Variants in CTNNA3 observed in about 807,000 individuals in gnomAD.
CTNNA3 encodes the protein catenin alpha-3.
CTNNA3 carries 76 observed loss-of-function variants against 95.7 expected under a neutral mutation model. The observed-to-expected ratio is 0.79, with a 90% CI of 0.66 to 0.96. The LOEUF is 0.96. Among genes scored for constraint, CTNNA3 ranks in the 40% least tolerant of loss-of-function variants. CTNNA3 has a pLI of 0.00. For missense variants in CTNNA3, 1,191 were observed against 1,089.8 expected (o/e 1.09, Z -1.31); for synonymous variants, 431 against 374.4 (o/e 1.15, Z -1.74).
intron 15 of CTNNA3, among the ~76,000 whole-genome samples, chr10:66,055,650 G>C (rs796630647): frequency 6.6e-6 from 1 of 152,154 alleles, no homozygotes; most frequent in African/African-American, 2.4e-5. Flanking sequence ...TCGGCCGGGC[G>C]TGATGGCTTA....
At chr10:67,087,699 T>A (rs1452261699) in intron 7 of CTNNA3, among the ~76,000 whole-genome samples, 1 of 152,054 alleles carries the variant, frequency 6.6e-6, no homozygotes, top group East Asian at 1.9e-4. Context: ...TCTAAGCTAA[T>A]GTCATAATGG....
intron 7 of CTNNA3, among the ~76,000 whole-genome samples, chr10:66,978,913 T>C (rs1850239653): frequency 6.7e-6 from 1 of 150,364 alleles, no homozygotes; most frequent in Non-Finnish European, 1.5e-5. Context: ...AAATCTTGAC[T>C]AGCGACAAGT....
At chr10:66,424,625 G>A (rs1252244160) in intron 11 of CTNNA3, among the ~76,000 whole-genome samples, 1 of 151,664 alleles carries the variant, frequency 6.6e-6, no homozygotes, top group African/African-American at 2.4e-5. Flanking sequence ...TAATTTAATT[G>A]TATTGTGTTG....
intron 11 of CTNNA3, among the ~76,000 whole-genome samples, chr10:66,454,177 A>T (rs530557790): frequency 8.5e-5 from 13 of 152,336 alleles, no homozygotes; most frequent in East Asian, 7.7e-4. Flanking sequence ...AGGAAGGAAC[A>T]CAGCCTTGCT....
chr10:66,611,323 G>A (rs1454550263), intron 10 of CTNNA3, among the ~76,000 whole-genome samples: 1 of 151,984 alleles, frequency 6.6e-6, no homozygotes, highest in Non-Finnish European at 1.5e-5. Flanking sequence ...TATTTGAGGT[G>A]TTGGATATTC....
chr10:66,229,655 C>A (rs936482956), intron 13 of CTNNA3, among the ~76,000 whole-genome samples: 1 of 152,030 alleles, frequency 6.6e-6, no homozygotes, highest in Non-Finnish European at 1.5e-5. Flanking sequence ...TTTTTAGATT[C>A]TCCCCTTGTC....
intron 2 of CTNNA3, among the ~76,000 whole-genome samples, chr10:67,620,572 GA>G (rs75963753): frequency 0.12 from 18,614 of 152,096 alleles, 2,116 homozygotes; most frequent in East Asian, 0.43. Context: ...AGGAGTTTAT[GA>G]GGAAGGTCAG....
At chr10:67,596,190 T>C (rs1255279560) in intron 3 of CTNNA3, among the ~76,000 whole-genome samples, 3 of 152,226 alleles carry the variant, frequency 2.0e-5, no homozygotes, top group Admixed American at 1.3e-4. Context: ...CTGGTGTTTA[T>C]GTAGACTTGA....
intron 12 of CTNNA3, among the ~76,000 whole-genome samples, chr10:66,332,212 C>G (rs1156935529): frequency 1.3e-5 from 2 of 151,910 alleles, no homozygotes; most frequent in Non-Finnish European, 2.9e-5. Flanking sequence ...TTGACTTCCT[C>G]TTTTCCTAAT....
At chr10:66,444,609 C>A (rs1350870450) in intron 11 of CTNNA3, among the ~76,000 whole-genome samples, 1 of 152,014 alleles carries the variant, frequency 6.6e-6, no homozygotes, top group East Asian at 1.9e-4. Context: ...AAATACTTTA[C>A]AGACAAGCAA....
chr10:67,184,845 T>C (rs1038354652), intron 6 of CTNNA3, among the ~76,000 whole-genome samples: 1 of 152,230 alleles, frequency 6.6e-6, no homozygotes, highest in African/African-American at 2.4e-5. Context: ...ACATTGCTGA[T>C]AGAGGTTCTT....
At chr10:67,473,545 T>G (rs1390108589) in intron 5 of CTNNA3, among the ~76,000 whole-genome samples, 1 of 152,226 alleles carries the variant, frequency 6.6e-6, no homozygotes, top group African/African-American at 2.4e-5. Flanking sequence ...AGCTATCACT[T>G]TCCATCCAAG....
intron 7 of CTNNA3, among the ~76,000 whole-genome samples, chr10:66,997,591 C>T (rs542993589): frequency 5.5e-4 from 84 of 152,296 alleles, no homozygotes; most frequent in African/African-American, 1.6e-3. Flanking sequence ...CTCCTATACA[C>T]TGTTTTCCTA....
chr10:67,502,348 T>C (rs1429169899), intron 5 of CTNNA3, among the ~76,000 whole-genome samples: 1 of 152,154 alleles, frequency 6.6e-6, no homozygotes, highest in African/African-American at 2.4e-5. Context: ...GGAAGCTTCA[T>C]CCCAGAGGGG....
chr10:66,774,673 G>T (rs1319850443), intron 8 of CTNNA3, among the ~76,000 whole-genome samples: 1 of 152,096 alleles, frequency 6.6e-6, no homozygotes, highest in Non-Finnish European at 1.5e-5. Flanking sequence ...GTTCATAGTT[G>T]AAAAGCTTTT....
chr10:67,226,125 C>A (rs1864902002), intron 5 of CTNNA3, among the ~76,000 whole-genome samples: 1 of 152,028 alleles, frequency 6.6e-6, no homozygotes, highest in Non-Finnish European at 1.5e-5. Context: ...AGAAAGAAAT[C>A]CAGAGCTCAA....
Position 67,725,080 on chromosome 10 carries a change from G to A in CTNNA3, c.-2+38354C>T, listed in dbSNP as rs185469529. On this transcript the variant is annotated intron_variant, in intron 1 of 17. Coordinates refer to the CTNNA3 transcript ENST00000684154. ...TATTATCAACTTTTTACTTTCTCAG[G>A]GTATACACTATTTGATAAAACAACG... 5.3e-5 allele frequency among the ~76,000 whole-genome samples: 8 copies of A among 151,480 alleles called. No individual in the cohort carries two copies. The East Asian group carries it at 1.5e-3, about 29-fold the overall frequency.
At chr10:67,041,276 G>A (rs1854377305) in intron 7 of CTNNA3, among the ~76,000 whole-genome samples, 1 of 152,108 alleles carries the variant, frequency 6.6e-6, no homozygotes, top group South Asian at 2.1e-4. Flanking sequence ...CTTGAATGTT[G>A]AACTATGCTT....
chr10:66,628,696 A>G (rs1008438470), intron 9 of CTNNA3, among the ~76,000 whole-genome samples: 4 of 152,146 alleles, frequency 2.6e-5, no homozygotes, highest in Non-Finnish European at 5.9e-5. Context: ...AATGGTGTCT[A>G]TGCCCCTTGG....
Sources: gnomAD v4.1 joint callset for allele counts (sites outside exome capture counted in the v4.1 genomes callset) on GRCh38, gnomAD v4.1.1 for gene constraint, MANE v1.5 for transcripts, NCBI Gene and HGNC (gene_info 2026-07-23, HGNC 2026-07-21) for gene names.